CACNA2D3: variants seen among roughly 807,000 people sequenced by gnomAD.
The protein encoded by CACNA2D3 is voltage-dependent calcium channel subunit alpha-2/delta-3.
A neutral mutation model predicts 160.6 loss-of-function variants in CACNA2D3; 60 were observed. The observed-to-expected ratio is 0.37, with a 90% CI of 0.30 to 0.46. The LOEUF (loss-of-function observed/expected upper bound fraction) is 0.46. Among genes scored for constraint, CACNA2D3 ranks in the 20% least tolerant of loss-of-function variants. The probability of loss-of-function intolerance (pLI) is 1.00; values close to 1 mark genes in which losing one functional copy is unlikely to be tolerated. For missense variants in CACNA2D3, 1,205 were observed against 1,365.0 expected (o/e 0.88, Z 1.85); for synonymous variants, 558 against 492.9 (o/e 1.13, Z -1.75).
At chr3:54,685,575 C>A (rs1559548945) in intron 11 of CACNA2D3, among the ~76,000 whole-genome samples, 1 of 152,182 alleles carries the variant, frequency 6.6e-6, no homozygotes. Context: ...GGAAAATACA[C>A]CTGCCTTCAA....
intron 11 of CACNA2D3, among the ~76,000 whole-genome samples, chr3:54,687,835 G>A (rs1473182343): frequency 1.3e-5 from 2 of 152,174 alleles, no homozygotes; most frequent in African/African-American, 2.4e-5. Context: ...AATCACATTG[G>A]TGTTAGATAT....
chr3:54,903,039 A>G (rs1248175906), intron 27 of CACNA2D3, among the ~76,000 whole-genome samples: 1 of 152,192 alleles, frequency 6.6e-6, no homozygotes, highest in Non-Finnish European at 1.5e-5. Context: ...AATACCACAG[A>G]ATGAGTAATT....
intron 13 of CACNA2D3, among the ~76,000 whole-genome samples, chr3:54,790,209 A>C (rs1177417509): frequency 3.9e-5 from 6 of 152,014 alleles, no homozygotes; most frequent in African/African-American, 1.4e-4. Context: ...GCTTTTTATC[A>C]CATATAAAAG....
chr3:54,389,519 T>C lies in CACNA2D3; in HGVS notation c.381+2745T>C, dbSNP rs137983863. On this transcript the variant is annotated intron_variant, in intron 4 of 37. Transcript: ENST00000474759. ...ACAAAGGGAAAAATAGCAATTTTAT[T>C]GTGGAGAAACCTGATAGACACCACC... is the stretch of plus-strand genomic sequence containing the variant. Among the ~76,000 whole-genome samples, 80 of 152,256 alleles carry C rather than the reference T, an allele frequency of 5.3e-4. 1 individual carries two copies. Among genetic ancestry groups the C allele is most frequent in the Admixed American group, 4.1e-3 (63 of 15,296 alleles).
At chr3:54,949,799 GA>G (rs1484678387) in intron 27 of CACNA2D3, among the ~76,000 whole-genome samples, 2 of 116,978 alleles carry the variant, frequency 1.7e-5, no homozygotes, top group Non-Finnish European at 3.7e-5. Flanking sequence ...CTGGATGGAA[GA>G]CTTTTTTTGC....
intron 11 of CACNA2D3, among the ~76,000 whole-genome samples, chr3:54,646,095 G>A (rs1699629715): frequency 6.8e-6 from 1 of 146,864 alleles, no homozygotes; most frequent in Non-Finnish European, 1.5e-5. Flanking sequence ...TATCCTGGGT[G>A]GGCAGGTTTT....
intron 3 of CACNA2D3, among the ~76,000 whole-genome samples, chr3:54,363,260 A>C (rs1341638316): frequency 1.3e-5 from 2 of 152,140 alleles, no homozygotes. Flanking sequence ...ATTATACTAC[A>C]GAGTATTGGA....
intron 2 of CACNA2D3, among the ~76,000 whole-genome samples, chr3:54,225,296 T>C (rs1701651428): frequency 6.6e-6 from 1 of 152,224 alleles, no homozygotes; most frequent in South Asian, 2.1e-4. Flanking sequence ...TCATTTTTTA[T>C]GGCTGCATAG....
chr3:54,884,685 C>T lies in CACNA2D3; in HGVS notation c.1913-596C>T, dbSNP rs544984103. On this transcript the variant is annotated intron_variant, in intron 21 of 37. Coordinates refer to ENST00000474759, the MANE Select transcript of CACNA2D3 (RefSeq NM_018398.3). ...CCAGATTCCATGCAAGCCCCAGCTCCCCTAGTTTCCTTCCCAGGCGGATGA... is the reference window on the plus strand; with the variant it reads ...CCAGATTCCATGCAAGCCCCAGCTCTCCTAGTTTCCTTCCCAGGCGGATGA... Among the ~76,000 whole-genome samples the T allele has an allele frequency of 9.8e-5, 15 of 152,332 alleles. No homozygotes were observed. In the South Asian group the frequency reaches 2.9e-3, roughly 29 times the overall value.
In CACNA2D3 at chr3:54,945,636, A is replaced by G. The variant is rs368348314; in HGVS notation, c.2450-22814A>G. On this transcript the variant is annotated intron_variant, in intron 27 of 37. Transcript: ENST00000474759. ...GTGTCAGTGCCTCTCAGCCCACCCAATGGAATCTCAAGCTTATCCAGTGCA... is the reference window on the plus strand; with the variant it reads ...GTGTCAGTGCCTCTCAGCCCACCCAGTGGAATCTCAAGCTTATCCAGTGCA... Among the ~76,000 whole-genome samples the G allele has an allele frequency of 4.6e-5, 7 of 152,158 alleles. 1 individual carries two copies. The highest frequency in any genetic ancestry group is 2.0e-4 in the Admixed American group (3 of 15,268).
intron 17 of CACNA2D3, 55 bp downstream of exon 17, chr3:54,846,522 C>T (rs1055649522): frequency 7.6e-6 from 9 of 1,179,598 alleles, no homozygotes; most frequent in African/African-American, 1.5e-5. Flanking sequence ...AAAAGATTTC[C>T]TTCAATTCAA....
chr3:54,338,729 G>C (rs1445028407), intron 3 of CACNA2D3, among the ~76,000 whole-genome samples: 1 of 152,072 alleles, frequency 6.6e-6, no homozygotes, highest in Non-Finnish European at 1.5e-5. Context: ...TGATCGCTTT[G>C]TGACTTAGGG....
chr3:54,245,897 A>G (rs1242855035), intron 2 of CACNA2D3, among the ~76,000 whole-genome samples: 5 of 152,172 alleles, frequency 3.3e-5, no homozygotes, highest in Admixed American at 2.0e-4. Context: ...CTCTATCATC[A>G]TTGTCATCTG....
intron 2 of CACNA2D3, among the ~76,000 whole-genome samples, chr3:54,189,582 C>G (rs914523547): frequency 6.6e-6 from 1 of 152,090 alleles, no homozygotes; most frequent in Non-Finnish European, 1.5e-5. Context: ...TGAGGTGGAA[C>G]AGACTGGCAA....
At chr3:54,138,678 C>T (rs1387286859) in intron 2 of CACNA2D3, among the ~76,000 whole-genome samples, 3 of 152,050 alleles carry the variant, frequency 2.0e-5, no homozygotes, top group Non-Finnish European at 2.9e-5. Context: ...ATGAGGATAT[C>T]GTTTAAGTTA....
intron 11 of CACNA2D3, among the ~76,000 whole-genome samples, chr3:54,687,121 C>CTTTTTTTTTTTTTTCTTT (rs757838355): frequency 1.1e-5 from 1 of 94,934 alleles, no homozygotes; most frequent in Non-Finnish European, 2.1e-5. Context: ...TTTTCTTTTT[C>CTTTTTTTTTTTTTTCTTT]TTTTTTTTTT....
chr3:54,544,798 TA>T (rs1406509071), intron 5 of CACNA2D3, among the ~76,000 whole-genome samples: 3 of 152,188 alleles, frequency 2.0e-5, no homozygotes, highest in African/African-American at 7.2e-5. Context: ...TTTCAGTTCT[TA>T]AAAAAAATTT....
At chr3:54,275,063 A>T (rs770403140) in intron 2 of CACNA2D3, among the ~76,000 whole-genome samples, 19 of 152,236 alleles carry the variant, frequency 1.2e-4, no homozygotes, top group Non-Finnish European at 2.2e-4. Context: ...GCCGCAGACA[A>T]TCCTGCTTAT....
At chr3:54,963,438 C>T (rs995618188) in intron 27 of CACNA2D3, among the ~76,000 whole-genome samples, 5 of 152,164 alleles carry the variant, frequency 3.3e-5, no homozygotes, top group African/African-American at 1.2e-4. Flanking sequence ...GTACCGTAGC[C>T]TCTAGCACCC....
Sources: gnomAD v4.1 joint callset for allele counts (sites outside exome capture counted in the v4.1 genomes callset) on GRCh38, gnomAD v4.1.1 for gene constraint, MANE v1.5 for transcripts, NCBI Gene and HGNC (gene_info 2026-07-23, HGNC 2026-07-21) for gene names.